The following PCDH9 variants were observed in gnomAD, a reference collection of about 807,000 sequenced individuals.
The protein encoded by PCDH9 is protocadherin-9.
PCDH9 carries 24 observed loss-of-function variants against 70.6 expected under a neutral mutation model. The observed-to-expected ratio is 0.34, with a 90% CI of 0.25 to 0.48. The LOEUF (loss-of-function observed/expected upper bound fraction) is 0.48. PCDH9 is among the 20% of genes least tolerant of loss of function. The pLI, the probability that PCDH9 is intolerant of heterozygous loss-of-function variation, is 0.99. For synonymous variants in PCDH9, 562 were observed against 558.5 expected (o/e 1.01, Z -0.09); for missense variants, 1,281 against 1,503.6 (o/e 0.85, Z 2.45).
chr13:66,833,704 TTTAAG>T (rs1449676699), intron 3 of PCDH9, among the ~76,000 whole-genome samples: 3 of 152,348 alleles, frequency 2.0e-5, no homozygotes, highest in Admixed American at 2.0e-4. Context: ...ATAGTTTGAG[TTTAAG>T]TTAACAACTT....
chr13:66,344,864 G>A (rs1593834226), intron 4 of PCDH9, among the ~76,000 whole-genome samples: 1 of 152,162 alleles, frequency 6.6e-6, no homozygotes, highest in African/African-American at 2.4e-5. Flanking sequence ...ACACAGGACT[G>A]CTGACACATG....
At position 67,226,731 on chromosome 13, in the gene PCDH9, G is replaced by A. The variant is rs781030236; in HGVS notation, c.1710C>T (p.Pro570=). The change falls in exon 2 of 5, where the codon CCC becomes CCT. Residue 570 remains proline, a synonymous_variant. Coordinates refer to ENST00000377865, the MANE Select transcript of PCDH9 (RefSeq NM_203487.3). The surrounding 1 kb of genome is among the most constrained non-coding windows in gnomAD (Gnocchi z 5.0). Reference sequence around the variant, plus strand: ...ATTGAAAATGATTATGAGTAAACTTGGGGCTATTGTCATTCTCATCCAGAA... The same window carrying A: ...ATTGAAAATGATTATGAGTAAACTTAGGGCTATTGTCATTCTCATCCAGAA... ...VTVLDENDNS[P]KFTHNHFQFF... The A allele has an allele frequency of 1.9e-6, 3 of 1,613,998 alleles. No individual in the cohort carries two copies. The highest frequency in any genetic ancestry group is 2.5e-6 in the Non-Finnish European group (3 of 1,180,004).
intron 2 of PCDH9, among the ~76,000 whole-genome samples, chr13:67,156,318 T>C (rs1004735454): frequency 6.6e-6 from 1 of 152,022 alleles, no homozygotes; most frequent in Non-Finnish European, 1.5e-5. Flanking sequence ...GGATGTCAAA[T>C]GCAGCATATC....
chr13:66,502,479 T>C (rs1275510358), intron 4 of PCDH9, among the ~76,000 whole-genome samples: 8 of 152,274 alleles, frequency 5.3e-5, no homozygotes, highest in African/African-American at 1.7e-4. Flanking sequence ...AGTGATATAT[T>C]CTTTTGGTAA....
rs115947687 is a variant in PCDH9, at chr13:66,347,655, T to G, written c.3341-42627A>C. 6.8e-3 allele frequency among the ~76,000 whole-genome samples: 1,037 copies of G among 152,286 alleles called. 15 individuals carry two copies. The highest frequency in any genetic ancestry group is 0.023 in the African/African-American group (976 of 41,568). On this transcript the variant is annotated intron_variant, in intron 4 of 4. Transcript: ENST00000377865. The stretch of plus-strand genomic sequence containing the variant: ...CTAGTCCCTGGTTCATTAACCTCTC[T>G]TCAGCCTTACCGGCCCTCCTGCCCA...
chr13:66,968,939 T>A (rs2083473143), intron 2 of PCDH9, among the ~76,000 whole-genome samples: 1 of 151,990 alleles, frequency 6.6e-6, no homozygotes, highest in Non-Finnish European at 1.5e-5. Flanking sequence ...ACCTTCTCAA[T>A]CCACAGCCTG....
chr13:66,977,693 C>G (rs1289253641), intron 2 of PCDH9, among the ~76,000 whole-genome samples: 1 of 152,064 alleles, frequency 6.6e-6, no homozygotes, highest in Non-Finnish European at 1.5e-5. Flanking sequence ...CAGGTTCCAG[C>G]TTGAATGGTA....
chr13:66,750,191 T>C (rs2079435643), intron 3 of PCDH9, among the ~76,000 whole-genome samples: 1 of 152,152 alleles, frequency 6.6e-6, no homozygotes, highest in Admixed American at 6.6e-5. Context: ...GGAAGGGCAT[T>C]ATTACTATTA....
intron 2 of PCDH9, among the ~76,000 whole-genome samples, chr13:66,973,229 T>G (rs1363822664): frequency 1.3e-5 from 2 of 151,960 alleles, no homozygotes; most frequent in Non-Finnish European, 2.9e-5. Flanking sequence ...AATCACCTTT[T>G]CTCCTAATTC....
chr13:67,165,412 A>G (rs893350634), intron 2 of PCDH9, among the ~76,000 whole-genome samples: 5 of 152,156 alleles, frequency 3.3e-5, no homozygotes, highest in African/African-American at 1.2e-4. Flanking sequence ...TACACTTTAC[A>G]ATAATAATAG....
intron 2 of PCDH9, among the ~76,000 whole-genome samples, chr13:67,046,843 A>G (rs973606658): frequency 6.6e-6 from 1 of 152,074 alleles, no homozygotes; most frequent in Admixed American, 6.6e-5. Context: ...AACAACTGAG[A>G]AGGGTACAGA....
At chr13:66,752,415 GC>G (rs201977442) in intron 3 of PCDH9, among the ~76,000 whole-genome samples, 2,506 of 152,218 alleles carry the variant, frequency 0.016, 21 homozygotes, top group Middle Eastern at 0.041. Flanking sequence ...TCCCATCTCA[GC>G]CTCCCAAGTA....
chr13:66,378,343 G>T (rs2099604615), intron 4 of PCDH9, among the ~76,000 whole-genome samples: 1 of 151,940 alleles, frequency 6.6e-6, no homozygotes, highest in African/African-American at 2.4e-5. Flanking sequence ...TCCTTAACTG[G>T]AGATGGGTAA....
chr13:67,205,720 A>G (rs2089323255), intron 2 of PCDH9: 1 of 152,224 alleles, frequency 6.6e-6, no homozygotes, highest in Non-Finnish European at 1.5e-5. Context: ...CAATATGGAA[A>G]GCTGTGCATC....
chr13:67,198,562 T>C (rs1472527342), intron 2 of PCDH9, among the ~76,000 whole-genome samples: 3 of 151,880 alleles, frequency 2.0e-5, no homozygotes, highest in Non-Finnish European at 4.4e-5. Flanking sequence ...ATGTGAAACA[T>C]ACCAAATCAT....
intron 3 of PCDH9, among the ~76,000 whole-genome samples, chr13:66,635,955 A>G (rs2077631613): frequency 6.6e-6 from 1 of 152,198 alleles, no homozygotes; most frequent in Non-Finnish European, 1.5e-5. Flanking sequence ...TTAAGTATTG[A>G]CAATACTTAC....
chr13:67,025,762 G>A (rs568642709), intron 2 of PCDH9, among the ~76,000 whole-genome samples: 18 of 152,244 alleles, frequency 1.2e-4, no homozygotes, highest in African/African-American at 4.3e-4. Context: ...ATATCCACAT[G>A]TCAAACGTAT....
chr13:67,169,509 A>C (rs1350439237), intron 2 of PCDH9, among the ~76,000 whole-genome samples: 1 of 152,340 alleles, frequency 6.6e-6, no homozygotes. Context: ...GTTAGCTAGA[A>C]TCTTACAGCA....
intron 3 of PCDH9, among the ~76,000 whole-genome samples, chr13:66,765,230 T>C (rs2079696233): frequency 6.6e-6 from 1 of 152,004 alleles, no homozygotes; most frequent in African/African-American, 2.4e-5. Flanking sequence ...ATCAAAGATT[T>C]GATCTCCATA....
Sources: allele counts gnomAD v4.1 joint callset (sites outside exome capture counted in the v4.1 genomes callset), GRCh38; gene constraint gnomAD v4.1.1; non-coding constraint Gnocchi (gnomAD v3.1); transcripts MANE v1.5; gene names NCBI Gene and HGNC (gene_info 2026-07-23, HGNC 2026-07-21).